The following HS6ST3 variants were observed in gnomAD, a reference collection of about 807,000 sequenced individuals.
HS6ST3 encodes the protein heparan sulfate 6-O-sulfotransferase 3.
Under a neutral mutation model 36.7 loss-of-function variants are expected in HS6ST3, and 12 were observed. That is an observed-to-expected ratio of 0.33 (90% confidence interval 0.21 to 0.53). The LOEUF (loss-of-function observed/expected upper bound fraction) is 0.53. HS6ST3 is among the 20% of genes least tolerant of loss of function. The pLI, the probability that HS6ST3 is intolerant of heterozygous loss-of-function variation, is 0.95. For synonymous variants in HS6ST3, 240 were observed against 257.5 expected, an observed-to-expected ratio of 0.93 and a Z score of 0.65; for missense variants, 584 against 640.9, an observed-to-expected ratio of 0.91 and a Z score of 0.96.
rs563140320 is a variant in HS6ST3 at position 96,796,741 on chromosome 13, G to A, written c.708-35749G>A. On this transcript the variant is annotated intron_variant, in intron 1 of 1. Coordinates refer to ENST00000376705, the MANE Select transcript of HS6ST3 (RefSeq NM_153456.4). Reference sequence around the variant, plus strand: ...GTACGTGAAAGTACCAAGAAATGCCGTGTTATGTAACAGTTATTCAGGAAG... The same window carrying A: ...GTACGTGAAAGTACCAAGAAATGCCATGTTATGTAACAGTTATTCAGGAAG... Among the ~76,000 whole-genome samples the A allele has an allele frequency of 7.2e-5, 11 of 152,138 alleles. No homozygotes were observed. The East Asian group carries it at 1.7e-3, about 24-fold the overall frequency.
At chr13:96,364,850 T>C (rs1255762001) in intron 1 of HS6ST3, among the ~76,000 whole-genome samples, 2 of 152,210 alleles carry the variant, frequency 1.3e-5, no homozygotes, top group African/African-American at 4.8e-5. Flanking sequence ...CAACGGCTGT[T>C]TCTGCTACTT....
intron 1 of HS6ST3, among the ~76,000 whole-genome samples, chr13:96,533,629 C>T (rs867811764): frequency 6.6e-6 from 1 of 152,152 alleles, no homozygotes; most frequent in Non-Finnish European, 1.5e-5. Flanking sequence ...TGGCTGTCCT[C>T]CACTCACATG....
At chr13:96,205,996 T>C (rs2054368339) in intron 1 of HS6ST3, among the ~76,000 whole-genome samples, 1 of 152,158 alleles carries the variant, frequency 6.6e-6, no homozygotes, top group Non-Finnish European at 1.5e-5. Flanking sequence ...ATAAAGGGTA[T>C]TCAAATAGGA....
At chr13:96,108,700 G>T (rs1223737738) in intron 1 of HS6ST3, among the ~76,000 whole-genome samples, 1 of 152,170 alleles carries the variant, frequency 6.6e-6, no homozygotes, top group Non-Finnish European at 1.5e-5. Flanking sequence ...TAAAATATTG[G>T]GGGCTGGTTC....
intron 1 of HS6ST3, among the ~76,000 whole-genome samples, chr13:96,379,673 A>G (rs2055331657): frequency 6.6e-6 from 1 of 152,210 alleles, no homozygotes; most frequent in African/African-American, 2.4e-5. Flanking sequence ...CCCGATAAAA[A>G]TGCAGATTTC....
intron 1 of HS6ST3, among the ~76,000 whole-genome samples, chr13:96,652,445 T>C (rs1005693240): frequency 2.0e-5 from 3 of 151,876 alleles, no homozygotes; most frequent in African/African-American, 7.3e-5. Context: ...TTCCCTCCAC[T>C]CCTTCTTCCT....
intron 1 of HS6ST3, among the ~76,000 whole-genome samples, chr13:96,709,613 T>C (rs1437147075): frequency 1.3e-5 from 2 of 152,118 alleles, no homozygotes; most frequent in African/African-American, 2.4e-5. Context: ...CTCTCCTCCA[T>C]GTGAGGATAT....
intron 1 of HS6ST3, among the ~76,000 whole-genome samples, chr13:96,304,193 A>G (rs916673035): frequency 6.6e-6 from 1 of 151,368 alleles, no homozygotes; most frequent in African/African-American, 2.4e-5. Flanking sequence ...CAATTTTGGC[A>G]TATGTTTTCT....
chr13:96,108,807 C>T (rs773437282), intron 1 of HS6ST3, among the ~76,000 whole-genome samples: 6 of 152,262 alleles, frequency 3.9e-5, no homozygotes, highest in Non-Finnish European at 7.4e-5. Flanking sequence ...TTAAAGAAAG[C>T]ATTGGAAGAA....
At chr13:96,287,250 G>A (rs2054808182) in intron 1 of HS6ST3, among the ~76,000 whole-genome samples, 1 of 152,054 alleles carries the variant, frequency 6.6e-6, no homozygotes, top group Non-Finnish European at 1.5e-5. Flanking sequence ...TTTTATTAAG[G>A]TATACTTTCA....
At chr13:96,454,083 G>C (rs1457228489) in intron 1 of HS6ST3, among the ~76,000 whole-genome samples, 1 of 152,016 alleles carries the variant, frequency 6.6e-6, no homozygotes, top group African/African-American at 2.4e-5. Flanking sequence ...GCTTACCCTT[G>C]GCCTTCTGAG....
intron 1 of HS6ST3, among the ~76,000 whole-genome samples, chr13:96,469,609 A>C (rs1393724635): frequency 1.3e-5 from 2 of 152,166 alleles, no homozygotes; most frequent in Non-Finnish European, 2.9e-5. Flanking sequence ...CCATTTTAAA[A>C]ATTACTGAGT....
intron 1 of HS6ST3, among the ~76,000 whole-genome samples, chr13:96,607,413 C>A (rs937961184): frequency 6.6e-6 from 1 of 152,152 alleles, no homozygotes; most frequent in Non-Finnish European, 1.5e-5. Flanking sequence ...TGTAAGAACT[C>A]GGATCCTATA....
chr13:96,577,143 TC>T (rs2056325064), intron 1 of HS6ST3, among the ~76,000 whole-genome samples: 1 of 152,048 alleles, frequency 6.6e-6, no homozygotes, highest in South Asian at 2.1e-4. Context: ...ATTTGGTATT[TC>T]TCCTAATGCT....
chr13:96,636,447 A>T (rs898582225), intron 1 of HS6ST3, among the ~76,000 whole-genome samples: 2 of 152,170 alleles, frequency 1.3e-5, no homozygotes, highest in Non-Finnish European at 2.9e-5. Flanking sequence ...ATTTGGCTCC[A>T]AGTGTGCAGT....
intron 1 of HS6ST3, among the ~76,000 whole-genome samples, chr13:96,469,351 G>A (rs749683634): frequency 1.3e-5 from 2 of 151,492 alleles, no homozygotes; most frequent in Non-Finnish European, 2.9e-5. Context: ...AGCCATGGCT[G>A]CACATGCTAT....
chr13:96,812,284 A>G (rs1878331354), intron 1 of HS6ST3, among the ~76,000 whole-genome samples: 1 of 152,094 alleles, frequency 6.6e-6, no homozygotes, highest in Admixed American at 6.6e-5. Context: ...CACCACCAAA[A>G]GCTTCTTGCG....
intron 1 of HS6ST3, among the ~76,000 whole-genome samples, chr13:96,439,553 C>T (rs1429250381): frequency 6.6e-6 from 1 of 152,210 alleles, no homozygotes; most frequent in Non-Finnish European, 1.5e-5. Context: ...TTTCATGGCT[C>T]TGGCACTTAG....
At chr13:96,294,898 G>A (rs1345000976) in intron 1 of HS6ST3, among the ~76,000 whole-genome samples, 4 of 152,062 alleles carry the variant, frequency 2.6e-5, no homozygotes, top group East Asian at 3.9e-4. Flanking sequence ...TAGAATGAAC[G>A]CATGTGATGG....
Sources: allele counts gnomAD v4.1 joint callset (sites outside exome capture counted in the v4.1 genomes callset), GRCh38; gene constraint gnomAD v4.1.1; transcripts MANE v1.5; gene names NCBI Gene and HGNC (gene_info 2026-07-23, HGNC 2026-07-21).